Variants in TNPO1 observed in about 807,000 individuals in gnomAD.
TNPO1 encodes transportin-1.
TNPO1 carries 8 observed loss-of-function variants against 119.5 expected under a neutral mutation model. The ratio of observed to expected loss-of-function variants is 0.07; its 90% CI spans 0.04 to 0.12. TNPO1 has a LOEUF of 0.12. Among genes scored for constraint, TNPO1 ranks in the 10% least tolerant of loss-of-function variants. The probability of loss-of-function intolerance (pLI) is 1.00; values close to 1 mark genes in which losing one functional copy is unlikely to be tolerated. For missense variants in TNPO1, 576 were observed against 1,089.8 expected (o/e 0.53, Z 6.64); for synonymous variants, 362 against 363.0 (o/e 1.00, Z 0.03).
intron 18 of TNPO1, among the ~76,000 whole-genome samples, chr5:72,894,293 C>T (rs992826557): frequency 3.9e-5 from 6 of 152,024 alleles, no homozygotes; most frequent in East Asian, 1.9e-4. Flanking sequence ...ATGTTGTACC[C>T]GGAATTGTTC....
At chr5:72,884,667 G>T (rs1222343828) in intron 11 of TNPO1, among the ~76,000 whole-genome samples, 8 of 152,106 alleles carry the variant, frequency 5.3e-5, no homozygotes, top group Non-Finnish European at 8.8e-5. Context: ...GATTTTGCTT[G>T]CTTGTTTGCT....
chr5:72,854,221 G>A (rs1745808761), intron 3 of TNPO1, among the ~76,000 whole-genome samples: 2 of 152,136 alleles, frequency 1.3e-5, no homozygotes, highest in African/African-American at 4.8e-5. Context: ...AGGTATTTTT[G>A]TTTGTTTTGT....
At chr5:72,877,456 A>G (rs1274860253) in intron 9 of TNPO1, 110 bp downstream of exon 9, 2 of 584,670 alleles carry the variant, frequency 3.4e-6, no homozygotes, top group African/African-American at 1.9e-5. Flanking sequence ...GTGAGATTCT[A>G]AAGAAGCCAG....
Position 72,913,183 on chromosome 5 carries a change from T to C in TNPO1, c.*4510T>C, listed in dbSNP as rs201599093. ...TAGCGTTGTATACCAACTTAGTGCA[T>C]TTTATACTGTATTAAATATGGAGAT... On this transcript the variant is annotated 3_prime_UTR_variant, in exon 25 of 25. Coordinates refer to ENST00000337273, the MANE Select transcript of TNPO1 (RefSeq NM_002270.4). 4 of 152,618 alleles carry C rather than the reference T, an allele frequency of 2.6e-5. No individual in the cohort carries two copies. The East Asian group carries it at 5.8e-4, about 22-fold the overall frequency. The allele number at this position is 152,618 out of a possible 1,614,324, so 9.5% of individuals were successfully genotyped here. A position where few individuals can be genotyped will look rare whatever the true frequency, so the allele number is the denominator to read the frequency against.
rs55861069 is a variant in TNPO1, at chr5:72,908,764, C to G, written c.*91C>G. The G allele has an allele frequency of 1.3e-5, 3 of 234,692 alleles. No homozygotes were observed. Among genetic ancestry groups the G allele is most frequent in the Admixed American group, 5.0e-5 (1 of 19,836 alleles). The allele number at this position is 234,692 out of a possible 1,614,324, so 14.5% of individuals were successfully genotyped here. ...CTCTGCACCCAGGGAAAATGTTACC[C>G]TTTACAGGGGGGAAGGGTAAACCAG... On this transcript the variant is annotated 3_prime_UTR_variant, in exon 25 of 25. Transcript: ENST00000337273.
rs200691585 is a variant in TNPO1, at chr5:72,868,431, CAAAAAAAAAAAA to C, written c.596+2719_596+2730del. Among the ~76,000 whole-genome samples the C allele has an allele frequency of 2.3e-3, 62 of 27,070 alleles. 1 individual carries two copies. Among genetic ancestry groups the C allele is most frequent in the Admixed American group, 2.7e-3 (3 of 1,096 alleles). 17.8% of individuals were successfully genotyped at this position (27,070 alleles called of 152,430 possible). A position where few individuals can be genotyped will look rare whatever the true frequency, so the allele number is the denominator to read the frequency against. ...TGGATGACAGAGCAAGACTCCGTCT[CAAAAAAAAAAAA>C]AAAAAAAAAAAAAAAACACAAAATA... On this transcript the variant is annotated intron_variant, in intron 6 of 24. Coordinates refer to ENST00000337273, the MANE Select transcript of TNPO1 (RefSeq NM_002270.4).
chr5:72,867,318 T>C (rs540605366), intron 6 of TNPO1, among the ~76,000 whole-genome samples: 1 of 152,194 alleles, frequency 6.6e-6, no homozygotes, highest in Non-Finnish European at 1.5e-5. Flanking sequence ...ATCTTTAATA[T>C]GATATTCTAC....
At chr5:72,859,688 A>G (rs1282540183) in intron 4 of TNPO1, among the ~76,000 whole-genome samples, 2 of 152,192 alleles carry the variant, frequency 1.3e-5, no homozygotes, top group Non-Finnish European at 2.9e-5. Flanking sequence ...TAATTTTATT[A>G]TTTCAATGAA....
Position 72,909,906 on chromosome 5 carries a change from G to T in TNPO1, c.*1233G>T, listed in dbSNP as rs536105387. ...TGTCAGTGTGATGTGCTTTCTGCAT[G>T]GTTATATACTACTAGTGATTTTATC... On this transcript the variant is annotated 3_prime_UTR_variant, in exon 25 of 25. Transcript: ENST00000337273. 1.3e-5 allele frequency: 2 copies of T among 152,618 alleles called. No individual in the cohort carries two copies. Among genetic ancestry groups the T allele is most frequent in the East Asian group, 3.9e-4 (2 of 5,178 alleles). 9.5% of individuals were successfully genotyped at this position (152,618 alleles called of 1,614,324 possible).
At position 72,896,573 on chromosome 5, in the gene TNPO1, T is replaced by C. The variant is rs1158607021; in HGVS notation, c.2242+17T>C. The C allele has an allele frequency of 3.1e-6, 5 of 1,602,490 alleles. No homozygotes were observed. Among genetic ancestry groups the C allele is most frequent in the African/African-American group, 2.7e-5 (2 of 74,554 alleles). On this transcript the variant is annotated intron_variant, in intron 19 of 24. Coordinates refer to ENST00000337273, the MANE Select transcript of TNPO1 (RefSeq NM_002270.4). ...TTCAAATGGGTAAGATGTTTTTCCC[T>C]ATTTAAAAGCATAAGGCCTGGCGCG...
rs1222101473 is a variant in TNPO1 at position 72,891,860 on chromosome 5, A to G, written c.1752A>G (p.Leu584=). The G allele has an allele frequency of 6.2e-7, 1 of 1,611,608 alleles. No homozygotes were observed. The highest frequency in any genetic ancestry group is 1.1e-5 in the South Asian group (1 of 90,612). ...CACTGATCCAGAAATGGAACATGTT[A>G]AAGGATGAAGATAAAGATCTCTTCC... is the stretch of plus-strand genomic sequence containing the variant. ...MPPLIQKWNM[L]KDEDKDLFPL... The change falls in exon 15 of 25, where the codon TTA becomes TTG. Residue 584 remains leucine (L), a synonymous_variant. Transcript: ENST00000337273.
intron 1 of TNPO1, among the ~76,000 whole-genome samples, chr5:72,820,073 AT>A (rs1009236514): frequency 6.6e-6 from 1 of 152,036 alleles, no homozygotes; most frequent in African/African-American, 2.4e-5. Context: ...AGTTTATTGG[AT>A]TTTTTTCACA....
rs760612888 is a variant in TNPO1, at chr5:72,887,267, A to G, written c.1303+45A>G. On this transcript the variant is annotated intron_variant, in intron 12 of 24. Coordinates refer to ENST00000337273, the MANE Select transcript of TNPO1 (RefSeq NM_002270.4). ...GAATTATGTAAGTTGGCTTCTTACT[A>G]CTATTAGGTACTAATAAGGCTAGGC... The G allele has an allele frequency of 2.1e-5, 24 of 1,152,710 alleles. No individual in the cohort carries two copies. The Admixed American group carries it at 2.8e-4, about 14-fold the overall frequency. 71.4% of individuals were successfully genotyped at this position (1,152,710 alleles called of 1,614,324 possible).
In TNPO1 at chr5:72,911,620, C is replaced by T. The variant is rs1273575073; in HGVS notation, c.*2947C>T. The T allele has an allele frequency of 6.6e-6, 1 of 152,530 alleles. No homozygotes were observed. Among genetic ancestry groups the T allele is most frequent in the Non-Finnish European group, 1.5e-5 (1 of 67,952 alleles). The allele number at this position is 152,530 out of a possible 1,614,324, so 9.4% of individuals were successfully genotyped here. On this transcript the variant is annotated 3_prime_UTR_variant, in exon 25 of 25. Transcript: ENST00000337273. ...TAGTCTTAATAGTTTTGAATGTTGA[C>T]TGAATGTCTATAAAATTGTGAGTTT...
chr5:72,906,539 C>T (rs1246782404), intron 24 of TNPO1, among the ~76,000 whole-genome samples: 2 of 152,068 alleles, frequency 1.3e-5, no homozygotes, highest in Non-Finnish European at 2.9e-5. Context: ...ATGCACCCAC[C>T]TCGGCCTCCC....
At chr5:72,874,725 A>C (rs1275591269) in intron 7 of TNPO1, among the ~76,000 whole-genome samples, 1 of 152,194 alleles carries the variant, frequency 6.6e-6, no homozygotes, top group African/African-American at 2.4e-5. Flanking sequence ...ATGAGATTTT[A>C]GGTTCATTTT....
chr5:72,891,910 G>A lies in TNPO1; in HGVS notation c.1788+14G>A. The A allele has an allele frequency of 6.3e-7, 1 of 1,591,492 alleles. No homozygotes were observed. The highest frequency in any genetic ancestry group is 1.1e-5 in the South Asian group (1 of 87,772). ...CCTTTACTTGAGGTATGCAGGGCTA[G>A]TAATATTTAATCTGTTGCCAAGAAC... On this transcript the variant is annotated intron_variant, in intron 15 of 24. Coordinates refer to ENST00000337273, the MANE Select transcript of TNPO1 (RefSeq NM_002270.4).
chr5:72,854,981 A>G (rs1745870157), intron 3 of TNPO1, among the ~76,000 whole-genome samples: 1 of 152,210 alleles, frequency 6.6e-6, no homozygotes, highest in South Asian at 2.1e-4. Context: ...CTGGAGGAAA[A>G]TGATTTCAAA....
intron 4 of TNPO1, among the ~76,000 whole-genome samples, chr5:72,858,953 G>GTT (rs35567162): frequency 1.9e-3 from 263 of 135,742 alleles, no homozygotes; most frequent in African/African-American, 6.3e-3. Context: ...ATCTGGGAAG[G>GTT]TTTTTTTTTT....
Sources: gnomAD v4.1 joint callset for allele counts (sites outside exome capture counted in the v4.1 genomes callset) on GRCh38, gnomAD v4.1.1 for gene constraint, MANE v1.5 for transcripts, NCBI Gene and HGNC (gene_info 2026-07-23, HGNC 2026-07-21) for gene names.